Variants in GINS3 observed in about 807,000 individuals in gnomAD.
GINS3 encodes the protein DNA replication complex GINS protein PSF3.
In GINS3, 18 loss-of-function variants were observed where a neutral mutation model predicts 20.0. The ratio of observed to expected loss-of-function variants is 0.90; its 90% CI spans 0.62 to 1.33. GINS3 has a LOEUF of 1.33. GINS3 is among the 40% of genes most tolerant of loss of function. The pLI is 0.00. For missense variants in GINS3, 254 were observed against 273.6 expected (o/e 0.93, Z 0.51); for synonymous variants, 109 against 107.0 (o/e 1.02, Z -0.12).
intron 1 of GINS3, among the ~76,000 whole-genome samples, chr16:58,398,269 C>T (rs529049447): frequency 1.7e-4 from 26 of 152,172 alleles, no homozygotes; most frequent in South Asian, 8.3e-4. Context: ...ACTTTAATTG[C>T]GTTTCATAAG....
intron 1 of GINS3, among the ~76,000 whole-genome samples, chr16:58,401,317 A>G (rs1487846919): frequency 6.6e-6 from 1 of 152,070 alleles, no homozygotes; most frequent in Non-Finnish European, 1.5e-5. Context: ...GTTACAGCTC[A>G]TGAAGGTAGT....
intron 1 of GINS3, among the ~76,000 whole-genome samples, chr16:58,394,646 C>T (rs1965824640): frequency 1.3e-5 from 2 of 152,188 alleles, no homozygotes; most frequent in Admixed American, 1.3e-4. Flanking sequence ...CTCGCCCAGC[C>T]TTCTTTGTTT....
rs769488036 is a variant in GINS3 at position 58,403,262 on chromosome 16, C to T, written c.351C>T (p.Tyr117=). The T allele has an allele frequency of 5.0e-6, 8 of 1,614,008 alleles. No homozygotes were observed. The highest frequency in any genetic ancestry group is 2.7e-5 in the African/African-American group (2 of 74,902). The part of the protein sequence containing the change: ...VDLHKMGPHF[Y]GFGSQLLHFD... ...TCCACAAAATGGGGCCCCATTTCTA[C>T]GGGTTTGGCTCCCAGCTCCTGCATT... is the stretch of plus-strand genomic sequence containing the variant. Residue 117 remains tyrosine (Y), a synonymous_variant, in exon 2 of 3, where the codon TAC becomes TAT. Transcript: ENST00000318129.
In GINS3 at chr16:58,403,466, G is replaced by A. The variant is rs146760300; in HGVS notation, c.420+135G>A. On this transcript the variant is annotated intron_variant, in intron 2 of 2. Coordinates refer to ENST00000318129, the MANE Select transcript of GINS3 (RefSeq NM_022770.4). ...TTCCAGGTCAGCCTACAGTTACACT[G>A]TCTGTCCATTTTATATATTTACATA... The A allele has an allele frequency of 3.0e-5, 19 of 634,076 alleles. No individual in the cohort carries two copies. In the African/African-American group the frequency reaches 3.3e-4, roughly 11 times the overall value. 39.3% of individuals were successfully genotyped at this position (634,076 alleles called of 1,614,324 possible).
chr16:58,395,271 TC>T (rs1407923220), intron 1 of GINS3: 2 of 369,450 alleles, frequency 5.4e-6, no homozygotes, highest in African/African-American at 2.2e-5. Context: ...GTCTAAATTT[TC>T]TTTTTTTTTT....
At chr16:58,403,546 ACTC>A (rs1428856087) in intron 2 of GINS3, 4 of 528,394 alleles carry the variant, frequency 7.6e-6, no homozygotes, top group Non-Finnish European at 1.3e-5. Context: ...CTTGTCTGCC[ACTC>A]CTCATATTTG....
chr16:58,399,077 G>T (rs1965920125), intron 1 of GINS3, among the ~76,000 whole-genome samples: 1 of 151,996 alleles, frequency 6.6e-6, no homozygotes. Context: ...ACTTTGGGAG[G>T]TGGAGGTGAG....
At chr16:58,397,241 C>G (rs1457662514) in intron 1 of GINS3, among the ~76,000 whole-genome samples, 1 of 151,392 alleles carries the variant, frequency 6.6e-6, no homozygotes, top group Non-Finnish European at 1.5e-5. Flanking sequence ...TCCTCACATC[C>G]CAGACGGGGC....
intron 2 of GINS3, 161 bp downstream of exon 2, chr16:58,403,492 T>TACACACACACACACACACACACACAC: frequency 1.7e-6 from 1 of 594,050 alleles, no homozygotes; most frequent in African/African-American, 1.9e-5. Context: ...TATTTACATA[T>TACACACACACACACACACACACACAC]ATACACACAC....
intron 1 of GINS3, among the ~76,000 whole-genome samples, chr16:58,394,665 T>C (rs1302411237): frequency 6.6e-6 from 1 of 152,216 alleles, no homozygotes; most frequent in Admixed American, 6.5e-5. Flanking sequence ...TTTTGTTTTT[T>C]ATTCTTTTTT....
At chr16:58,404,380 T>C (rs1226617285) in intron 2 of GINS3, 119 bp from the exon 3 acceptor site, 1 of 687,268 alleles carries the variant, frequency 1.5e-6, no homozygotes, top group Non-Finnish European at 2.5e-6. Flanking sequence ...CAGACCTCCT[T>C]CTGAGTCCTA....
At chr16:58,395,673 C>T (rs1482070954) in intron 1 of GINS3, among the ~76,000 whole-genome samples, 1 of 152,148 alleles carries the variant, frequency 6.6e-6, no homozygotes, top group Non-Finnish European at 1.5e-5. Context: ...AACAGGATCC[C>T]AAGGCAGAAG....
chr16:58,399,541 G>A (rs1386396374), intron 1 of GINS3, among the ~76,000 whole-genome samples: 6 of 151,850 alleles, frequency 4.0e-5, no homozygotes, highest in Non-Finnish European at 1.5e-5. Flanking sequence ...CTTTTATGCA[G>A]CATATAGTTG....
chr16:58,396,691 G>A (rs1183419148), intron 1 of GINS3, among the ~76,000 whole-genome samples: 6 of 123,280 alleles, frequency 4.9e-5, no homozygotes, highest in East Asian at 5.3e-4. Flanking sequence ...CCTCCCGGAC[G>A]GGGCGGCTGG....
rs200442342 is a variant in GINS3, at chr16:58,392,595, G to A, written c.-7G>A. On this transcript the variant is annotated 5_prime_UTR_variant, in exon 1 of 3. Transcript: ENST00000318129. ...CGAGTGGAAGCGGAGAAGCTCAAGT[G>A]GCCGCCATGTCAGAGGCTTATTTCC... is the stretch of plus-strand genomic sequence containing the variant. 306 of 1,613,546 alleles carry A rather than the reference G, an allele frequency of 1.9e-4. No homozygotes were observed. The African/African-American group carries it at 3.5e-3, about 18-fold the overall frequency.
At chr16:58,397,459 T>TG (rs1180312852) in intron 1 of GINS3, among the ~76,000 whole-genome samples, 3 of 151,410 alleles carry the variant, frequency 2.0e-5, no homozygotes, top group African/African-American at 4.9e-5. Context: ...GGCAGGCAGC[T>TG]GGGAGGTGGA....
At chr16:58,394,805 T>C (rs1471074279) in intron 1 of GINS3, among the ~76,000 whole-genome samples, 1 of 152,188 alleles carries the variant, frequency 6.6e-6, no homozygotes, top group Non-Finnish European at 1.5e-5. Context: ...TTGGCAGAGG[T>C]AATGTTCATT....
intron 1 of GINS3, among the ~76,000 whole-genome samples, chr16:58,393,050 T>C (rs1394576252): frequency 2.0e-5 from 3 of 152,236 alleles, no homozygotes; most frequent in Admixed American, 6.5e-5. Context: ...GATTTCTTTT[T>C]TGAAACTGTC....
At chr16:58,403,834 A>G (rs1337350250) in intron 2 of GINS3, 1 of 161,452 alleles carries the variant, frequency 6.2e-6, no homozygotes, top group Non-Finnish European at 1.4e-5. Context: ...TTGGAAATAC[A>G]AGAGTTATTG....
Sources: gnomAD v4.1 joint callset for allele counts (sites outside exome capture counted in the v4.1 genomes callset) on GRCh38, gnomAD v4.1.1 for gene constraint, MANE v1.5 for transcripts, NCBI Gene and HGNC (gene_info 2026-07-23, HGNC 2026-07-21) for gene names.